Variants in TAFA5 observed in about 807,000 individuals in gnomAD.
TAFA5 encodes chemokine-like protein TAFA-5.
Under a neutral mutation model 15.3 loss-of-function variants are expected in TAFA5, and 6 were observed. That is an observed-to-expected ratio of 0.39 (90% CI 0.21 to 0.77). TAFA5 has a LOEUF of 0.77. Among genes scored for constraint, TAFA5 ranks in the 30% least tolerant of loss-of-function variants. TAFA5 has a pLI of 0.41. For missense variants in TAFA5, 161 were observed against 193.1 expected (o/e 0.83, Z 0.98); for synonymous variants, 103 against 80.7 (o/e 1.28, Z -1.48).
chr22:48,531,671 G>A (rs182266502), intron 1 of TAFA5, among the ~76,000 whole-genome samples: 26 of 152,212 alleles, frequency 1.7e-4, no homozygotes, highest in Non-Finnish European at 2.4e-4. Flanking sequence ...CCCCCAGCGC[G>A]CCCTCCTGCT....
rs959516022 is a variant in TAFA5 at position 48,750,171 on chromosome 22, A to C, written c.*324A>C. 4.8e-6 allele frequency: 2 copies of C among 415,796 alleles called. No individual in the cohort carries two copies. Among genetic ancestry groups the C allele is most frequent in the Non-Finnish European group, 4.4e-6 (1 of 229,706 alleles). 25.8% of individuals were successfully genotyped at this position (415,796 alleles called of 1,614,324 possible). On this transcript the variant is annotated 3_prime_UTR_variant, in exon 4 of 4. Transcript: ENST00000402357. ...CTGTCCTCAGAGGAGGAGGAGGAGG[A>C]GGCAGCTCCGGCAGCCACAGAAGGC...
intron 1 of TAFA5, among the ~76,000 whole-genome samples, chr22:48,531,737 G>C (rs953931319): frequency 1.3e-5 from 2 of 152,192 alleles, no homozygotes; most frequent in Non-Finnish European, 2.9e-5. Context: ...AAAGGGGTTT[G>C]TACAGGGAGG....
At chr22:48,500,744 C>T (rs1228148634) in intron 1 of TAFA5, among the ~76,000 whole-genome samples, 1 of 152,254 alleles carries the variant, frequency 6.6e-6, no homozygotes, top group East Asian at 1.9e-4. Context: ...TGACATCGCA[C>T]TGTGTCCCAG....
intron 2 of TAFA5, among the ~76,000 whole-genome samples, chr22:48,699,504 C>T (rs770347538): frequency 6.6e-5 from 10 of 152,290 alleles, no homozygotes; most frequent in Non-Finnish European, 1.3e-4. Flanking sequence ...TACCTGCTGG[C>T]TCTCCGTGTG....
chr22:48,746,038 G>A (rs1930319910), intron 3 of TAFA5, among the ~76,000 whole-genome samples: 1 of 152,164 alleles, frequency 6.6e-6, no homozygotes, highest in African/African-American at 2.4e-5. Flanking sequence ...AGACAGCGAT[G>A]GGCTGGGGTC....
rs1297963673 is a variant in TAFA5, at chr22:48,750,687, T to C, written c.*840T>C. ...AGCTCCATTTTTGATAGTTGGATAA[T>C]CCAGTATCTGCCAAGAGCATGTTGG... is the stretch of plus-strand genomic sequence containing the variant. On this transcript the variant is annotated 3_prime_UTR_variant, in exon 4 of 4. Coordinates refer to ENST00000402357, the MANE Select transcript of TAFA5 (RefSeq NM_001082967.3). The C allele has an allele frequency of 3.3e-5, 5 of 153,218 alleles. No individual in the cohort carries two copies. The East Asian group carries it at 7.7e-4, about 24-fold the overall frequency. The allele number at this position is 153,218 out of a possible 1,614,324, so 9.5% of individuals were successfully genotyped here.
intron 1 of TAFA5, among the ~76,000 whole-genome samples, chr22:48,604,630 T>A (rs1925093331): frequency 6.6e-6 from 1 of 152,184 alleles, no homozygotes; most frequent in Admixed American, 6.5e-5. Context: ...ATTTCTCCCA[T>A]GGAAGGTGAG....
chr22:48,588,871 G>A (rs1241817509), intron 1 of TAFA5, among the ~76,000 whole-genome samples: 1 of 151,974 alleles, frequency 6.6e-6, no homozygotes, highest in African/African-American at 2.4e-5. Flanking sequence ...ATCTTCCCTG[G>A]GTATATTTAG....
At position 48,490,002 on chromosome 22, in the gene TAFA5, G is replaced by A. The variant is rs997668975; in HGVS notation, c.112+298G>A. Among the ~76,000 whole-genome samples the A allele has an allele frequency of 4.0e-5, 6 of 151,894 alleles. No individual in the cohort carries two copies. The highest frequency in any genetic ancestry group is 1.4e-4 in the African/African-American group (6 of 41,410). ...GTGGCGCGGCCCGTCCCTGCCCGGC[G>A]GTCGGAGCCCAGCCAGCGGCTTCCC... On this transcript the variant is annotated intron_variant, in intron 1 of 3. Transcript: ENST00000402357. The surrounding 1 kb of genome is among the most constrained non-coding windows in gnomAD (Gnocchi z 5.8).
At chr22:48,582,492 CACACACAAAATACACT>C (rs1319514798) in intron 1 of TAFA5, among the ~76,000 whole-genome samples, 1 of 135,668 alleles carries the variant, frequency 7.4e-6, no homozygotes, top group African/African-American at 2.8e-5. Flanking sequence ...CACCACACAC[CACACACAAAATACACT>C]ACACACAAAA....
chr22:48,507,480 G>C (rs1013151765), intron 1 of TAFA5, among the ~76,000 whole-genome samples: 6 of 152,338 alleles, frequency 3.9e-5, no homozygotes, highest in Admixed American at 3.3e-4. Context: ...GTCTGCCTGG[G>C]ACTTGATTTC....
intron 2 of TAFA5, among the ~76,000 whole-genome samples, chr22:48,649,084 T>A (rs1015539267): frequency 1.3e-5 from 2 of 152,174 alleles, no homozygotes; most frequent in African/African-American, 2.4e-5. Context: ...CCCTAACCCC[T>A]GAGGCCTTTA....
intron 2 of TAFA5, among the ~76,000 whole-genome samples, chr22:48,661,124 G>C (rs1010111386): frequency 6.6e-6 from 1 of 152,198 alleles, no homozygotes; most frequent in East Asian, 1.9e-4. Context: ...CGTACGGGGT[G>C]TGTGTCCAAA....
intron 1 of TAFA5, among the ~76,000 whole-genome samples, chr22:48,500,566 C>T (rs1920946393): frequency 6.6e-6 from 1 of 152,230 alleles, no homozygotes; most frequent in Non-Finnish European, 1.5e-5. Context: ...GTGGAAGGCG[C>T]CGGGCCCGCA....
chr22:48,646,786 C>T (rs1482195323), intron 2 of TAFA5, 40 bp downstream of exon 2: 30 of 1,528,998 alleles, frequency 2.0e-5, no homozygotes, highest in African/African-American at 5.5e-5. Context: ...GGGTGCTGAG[C>T]GCGGCGTCAC....
intron 1 of TAFA5, among the ~76,000 whole-genome samples, chr22:48,555,438 A>C (rs550685838): frequency 6.6e-6 from 1 of 152,256 alleles, no homozygotes; most frequent in South Asian, 2.1e-4. Context: ...CTGATGGAGG[A>C]CGTGGGCTCC....
intron 1 of TAFA5, among the ~76,000 whole-genome samples, chr22:48,517,593 G>T (rs574107628): frequency 3.6e-4 from 55 of 152,284 alleles, no homozygotes; most frequent in African/African-American, 1.3e-3. Context: ...GCTCTGTCCC[G>T]CGTACGGGCA....
At chr22:48,595,682 G>A (rs891543100) in intron 1 of TAFA5, among the ~76,000 whole-genome samples, 6 of 152,276 alleles carry the variant, frequency 3.9e-5, no homozygotes, top group Admixed American at 3.9e-4. Context: ...GGGACGGGGT[G>A]CCTCTGGGGA....
rs1428448199 is a variant in TAFA5, at chr22:48,490,093, T to C, written c.112+389T>C. On this transcript the variant is annotated intron_variant, in intron 1 of 3. Transcript: ENST00000402357. The surrounding 1 kb of genome is among the most constrained non-coding windows in gnomAD (Gnocchi z 5.8). ...GGGCGGGCGGCGCTGCCGGGGTGTC[T>C]GCGGAGCGCCCTCCCCGTGCCTCAG... 6.6e-6 allele frequency among the ~76,000 whole-genome samples: 1 copy of C among 151,980 alleles called. No homozygotes were observed. Among genetic ancestry groups the C allele is most frequent in the African/African-American group, 2.4e-5 (1 of 41,410 alleles).
Sources: allele counts gnomAD v4.1 joint callset (sites outside exome capture counted in the v4.1 genomes callset), GRCh38; gene constraint gnomAD v4.1.1; non-coding constraint Gnocchi (gnomAD v3.1); transcripts MANE v1.5; gene names NCBI Gene and HGNC (gene_info 2026-07-23, HGNC 2026-07-21).